PPFIA2: variants seen among roughly 807,000 people sequenced by gnomAD.
PPFIA2 encodes the protein liprin-alpha-2.
A neutral mutation model predicts 175.5 loss-of-function variants in PPFIA2; 46 were observed. That is an observed-to-expected ratio of 0.26 (90% CI 0.21 to 0.34). The LOEUF is 0.34. Among genes scored for constraint, PPFIA2 ranks in the 10% least tolerant of loss-of-function variants. The probability of loss-of-function intolerance (pLI) is 1.00; values close to 1 mark genes in which losing one functional copy is unlikely to be tolerated. For synonymous variants in PPFIA2, 568 were observed against 511.4 expected, an observed-to-expected ratio of 1.11 and a Z score of -1.49; for missense variants, 1,179 against 1,506.1, an observed-to-expected ratio of 0.78 and a Z score of 3.60.
At chr12:81,663,389 C>A (rs989959245) in intron 4 of PPFIA2, among the ~76,000 whole-genome samples, 1 of 152,244 alleles carries the variant, frequency 6.6e-6, no homozygotes, top group African/African-American at 2.4e-5. Flanking sequence ...TTCTTATACA[C>A]CAATAACAGA....
At chr12:81,361,910 C>T (rs1030953292) in intron 15 of PPFIA2, among the ~76,000 whole-genome samples, 2 of 151,384 alleles carry the variant, frequency 1.3e-5, no homozygotes, top group African/African-American at 2.4e-5. Flanking sequence ...TCTAGGGTTT[C>T]TAACAACTTT....
In PPFIA2 at chr12:81,445,668, C is replaced by T. The variant is rs1260047014; in HGVS notation, c.458G>A (p.Arg153Lys). ...CLVSRHERSL[R>K]MTVVKRQAQS... ...GGCTTGCCGTTTTACCACCGTCATT[C>T]TTAGTGATCTTTCATGTCGTGACAC... Residue 153 changes from arginine to lysine, a missense_variant, in exon 6 of 33, where the codon AGA becomes AAA. Arg to Lys is a conservative substitution (Grantham distance 26, BLOSUM62 2). This residue lies in a region of PPFIA2 where 49 missense variants were observed against 108.9 expected (regional missense o/e 0.45). Coordinates refer to ENST00000549396, the MANE Select transcript of PPFIA2 (RefSeq NM_003625.5). 2 of 1,613,930 alleles carry T rather than the reference C, an allele frequency of 1.2e-6. No homozygotes were observed. The highest frequency in any genetic ancestry group is 1.7e-5 in the Admixed American group (1 of 60,008).
At chr12:81,559,279 C>T (rs533448108) in intron 4 of PPFIA2, among the ~76,000 whole-genome samples, 1 of 152,244 alleles carries the variant, frequency 6.6e-6, no homozygotes, top group South Asian at 2.1e-4. Context: ...GTAGAAACAG[C>T]GTGTGCATTT....
At chr12:81,752,169 A>G (rs774739287) in intron 3 of PPFIA2, among the ~76,000 whole-genome samples, 5 of 152,208 alleles carry the variant, frequency 3.3e-5, no homozygotes, top group Admixed American at 6.5e-5. Flanking sequence ...GTACACATTG[A>G]AGGTATGTTG....
chr12:81,532,994 T>C (rs2064818879), intron 4 of PPFIA2, among the ~76,000 whole-genome samples: 2 of 151,690 alleles, frequency 1.3e-5, no homozygotes, highest in Admixed American at 6.6e-5. Context: ...ATGTGTTTCT[T>C]ATGTATTTGG....
intron 9 of PPFIA2, among the ~76,000 whole-genome samples, chr12:81,382,445 A>G (rs1164625679): frequency 6.6e-6 from 1 of 152,156 alleles, no homozygotes; most frequent in Non-Finnish European, 1.5e-5. Flanking sequence ...GCACAGACTG[A>G]GGTGAGCTGA....
chr12:81,559,539 T>G (rs1489266791), intron 4 of PPFIA2, among the ~76,000 whole-genome samples: 2 of 152,192 alleles, frequency 1.3e-5, no homozygotes, highest in Non-Finnish European at 2.9e-5. Flanking sequence ...CTAATGAGAT[T>G]TTATAAGCAC....
At chr12:81,533,719 C>T (rs867705475) in intron 4 of PPFIA2, among the ~76,000 whole-genome samples, 5 of 134,334 alleles carry the variant, frequency 3.7e-5, no homozygotes, top group African/African-American at 1.5e-4. Flanking sequence ...ATCTATCTAT[C>T]TATCTATCTA....
intron 4 of PPFIA2, among the ~76,000 whole-genome samples, chr12:81,600,168 T>G (rs1272904053): frequency 6.6e-6 from 1 of 151,966 alleles, no homozygotes; most frequent in African/African-American, 2.4e-5. Context: ...CCTACATATA[T>G]TAAATAGATT....
chr12:81,722,212 C>T (rs1771740118), intron 3 of PPFIA2, among the ~76,000 whole-genome samples: 2 of 150,894 alleles, frequency 1.3e-5, no homozygotes, highest in African/African-American at 4.8e-5. Flanking sequence ...TTCCCCAAGC[C>T]CCACGTTTCT....
In PPFIA2 at chr12:81,414,321, A is replaced by C. The variant is rs772137529; in HGVS notation, c.646-8418T>G. ...TGACCTGCGTTGGCAAACAATTTAG[A>C]AGATGTCTTCAAAAACATTTAAAAG... On this transcript the variant is annotated intron_variant, in intron 7 of 32. Coordinates refer to ENST00000549396, the MANE Select transcript of PPFIA2 (RefSeq NM_003625.5). Among the ~76,000 whole-genome samples, 63 of 151,700 alleles carry C rather than the reference A, an allele frequency of 4.2e-4. 1 individual carries two copies. The highest frequency in any genetic ancestry group is 8.6e-4 in the Non-Finnish European group (58 of 67,740).
intron 4 of PPFIA2, among the ~76,000 whole-genome samples, chr12:81,675,254 A>G (rs888876019): frequency 2.6e-5 from 4 of 151,916 alleles, no homozygotes; most frequent in African/African-American, 9.7e-5. Context: ...ATAAAGTTGT[A>G]TAACTCATGC....
At position 81,405,737 on chromosome 12, in the gene PPFIA2, G is replaced by A. The variant is rs763450236; in HGVS notation, c.762+50C>T. On this transcript the variant is annotated intron_variant, in intron 8 of 32. Coordinates refer to ENST00000549396, the MANE Select transcript of PPFIA2 (RefSeq NM_003625.5). Reference sequence around the variant, plus strand: ...GTGGTTTTTATATTTCCTGTCAAATGATATAAGAAGTAAACATTTCCATGT... The same window carrying A: ...GTGGTTTTTATATTTCCTGTCAAATAATATAAGAAGTAAACATTTCCATGT... 2.0e-5 allele frequency: 21 copies of A among 1,026,010 alleles called. No homozygotes were observed. The African/African-American group carries it at 3.2e-4, about 15-fold the overall frequency. The allele number at this position is 1,026,010 out of a possible 1,614,324, so 63.6% of individuals were successfully genotyped here.
At chr12:81,512,099 T>C (rs2061859628) in intron 4 of PPFIA2, among the ~76,000 whole-genome samples, 1 of 152,116 alleles carries the variant, frequency 6.6e-6, no homozygotes, top group African/African-American at 2.4e-5. Context: ...ATGTATTGTG[T>C]GATTTTCTTT....
intron 4 of PPFIA2, among the ~76,000 whole-genome samples, chr12:81,668,931 T>C (rs908658569): frequency 6.6e-6 from 1 of 152,080 alleles, no homozygotes; most frequent in African/African-American, 2.4e-5. Context: ...AGACCTGTTA[T>C]CATCATCATT....
intron 3 of PPFIA2, among the ~76,000 whole-genome samples, chr12:81,692,253 G>A (rs2075344282): frequency 6.6e-6 from 1 of 152,040 alleles, no homozygotes; most frequent in Non-Finnish European, 1.5e-5. Context: ...CTCAGGTTAA[G>A]TGAATTCAGA....
At chr12:81,467,459 C>T (rs968863375) in intron 4 of PPFIA2, among the ~76,000 whole-genome samples, 2 of 152,226 alleles carry the variant, frequency 1.3e-5, no homozygotes, top group Middle Eastern at 3.4e-3. Flanking sequence ...GAGGCCAAGG[C>T]GAGCGGATTA....
intron 27 of PPFIA2, among the ~76,000 whole-genome samples, chr12:81,279,018 T>C (rs1458596262): frequency 6.6e-6 from 1 of 152,124 alleles, no homozygotes; most frequent in Non-Finnish European, 1.5e-5. Flanking sequence ...AAAATTTACG[T>C]GTGGAAGCGC....
At chr12:81,581,060 T>C (rs578204190) in intron 4 of PPFIA2, among the ~76,000 whole-genome samples, 1 of 151,586 alleles carries the variant, frequency 6.6e-6, no homozygotes, top group East Asian at 1.9e-4. Context: ...AACAGTGAGA[T>C]TTTAGCACAC....
Sources: gnomAD v4.1 joint callset for allele counts (sites outside exome capture counted in the v4.1 genomes callset) on GRCh38, gnomAD v4.1.1 for gene constraint, gnomAD v4.1.1 regional missense constraint, MANE v1.5 for transcripts, NCBI Gene and HGNC (gene_info 2026-07-23, HGNC 2026-07-21) for gene names.